The following MATN3 variants were observed in gnomAD, a reference collection of about 807,000 sequenced individuals.
The protein encoded by MATN3 is matrilin-3.
A neutral mutation model predicts 45.3 loss-of-function variants in MATN3; 48 were observed. The observed-to-expected ratio is 1.06, with a 90% confidence interval of 0.84 to 1.35. The LOEUF is 1.35. Ranked by LOEUF, MATN3 falls within the 40% of genes most tolerant of loss-of-function variation. The pLI, the probability that MATN3 is intolerant of heterozygous loss-of-function variation, is 0.00. For synonymous variants in MATN3, 217 were observed against 245.9 expected (o/e 0.88, Z 1.10); for missense variants, 599 against 628.0 (o/e 0.95, Z 0.49).
intron 1 of MATN3, among the ~76,000 whole-genome samples, chr2:20,007,666 C>A (rs1463929370): frequency 6.6e-6 from 1 of 152,208 alleles, no homozygotes; most frequent in East Asian, 1.9e-4. Context: ...CTCTCTTGGT[C>A]ATCTCTCTTT....
chr2:20,002,191 C>CACATACACACACAG lies in MATN3; in HGVS notation c.917-112_917-111insCTGTGTGTGTATGT. The CACATACACACACAG allele has an allele frequency of 4.0e-6, 3 of 756,944 alleles. No individual in the cohort carries two copies. In the East Asian group the frequency reaches 1.0e-4, roughly 26 times the overall value. 46.9% of individuals were successfully genotyped at this position (756,944 alleles called of 1,614,324 possible). A position where few individuals can be genotyped will look rare whatever the true frequency, so the allele number is the denominator to read the frequency against. On this transcript the variant is annotated intron_variant, in intron 3 of 7. Transcript: ENST00000407540. ...ACACACACACACACACACACACACA[C>CACATACACACACAG]AGAGCTAATGAAACAAGGGAGGGGC...
In MATN3 at chr2:20,012,234, T is replaced by C. The variant is rs894661000; in HGVS notation, c.223+175A>G. Among the ~76,000 whole-genome samples the C allele has an allele frequency of 2.0e-5, 3 of 152,166 alleles. No homozygotes were observed. The highest frequency in any genetic ancestry group is 2.9e-5 in the Non-Finnish European group (2 of 68,022). Reference sequence around the variant, plus strand: ...CTCTAGCCTGGACACATGAGTGATATTGGGCATCTCCCTCCCCTTCTCTGG... The same window carrying C: ...CTCTAGCCTGGACACATGAGTGATACTGGGCATCTCCCTCCCCTTCTCTGG... On this transcript the variant is annotated intron_variant, in intron 1 of 7. Transcript: ENST00000407540. This position sits in a 1 kb window ranked among gnomAD's most constrained non-coding sequence, Gnocchi z 4.3.
chr2:20,011,680 C>A (rs1558376924), intron 1 of MATN3, among the ~76,000 whole-genome samples: 1 of 152,170 alleles, frequency 6.6e-6, no homozygotes, highest in East Asian at 1.9e-4. Context: ...TGGAAAGAGA[C>A]CTTGCTTGGG....
rs1165186087 is a variant in MATN3, at chr2:20,003,233, C to G, written c.844G>C (p.Asp282His). The G allele has an allele frequency of 6.2e-7, 1 of 1,613,982 alleles. No homozygotes were observed. Reference protein sequence around the residue: ...THQCQHVCISDGEGKHHCECS... With the variant: ...THQCQHVCISHGEGKHHCECS... Reference sequence around the variant, plus strand: ...TCACAGTGGTGCTTGCCTTCCCCATCACTGATGCAGACGTGCTGGCACTGG... The same window carrying G: ...TCACAGTGGTGCTTGCCTTCCCCATGACTGATGCAGACGTGCTGGCACTGG... The change falls in exon 3 of 8, where the codon GAT becomes CAT. Residue 282 changes from aspartate (D) to histidine (H), a missense_variant. Transcript: ENST00000407540.
chr2:20,000,656 T>A, intron 4 of MATN3, 90 bp from the exon 5 acceptor site: 1 of 1,319,986 alleles, frequency 7.6e-7, no homozygotes, highest in Non-Finnish European at 1.0e-6. Flanking sequence ...GCTGGAAACA[T>A]ATGAGGAAAA....
At chr2:20,003,352 T>C (rs926518208) in intron 2 of MATN3, 66 bp from the exon 3 acceptor site, 4 of 1,477,942 alleles carry the variant, frequency 2.7e-6, no homozygotes, top group Non-Finnish European at 2.7e-6. Context: ...CCGTCTCCCA[T>C]GTCAATAGAC....
At position 20,000,481 on chromosome 2, in the gene MATN3, A is replaced by C; in HGVS notation, c.1128T>G (p.Tyr376Ter). The C allele has an allele frequency of 6.2e-7, 1 of 1,612,910 alleles. No homozygotes were observed. The highest frequency in any genetic ancestry group is 8.5e-7 in the Non-Finnish European group (1 of 1,179,358). ...TATCTGCATTCAGAGTGTAGCCCTC[A>C]TAGCATTCACAATGATGGGACCCTG... ...DRTGSHHCECYEGYTLNADKK... is the reference protein window; with the variant it reads ...DRTGSHHCEC Residue 376 changes from tyrosine (Y) to a stop codon, truncating the protein, a stop_gained, in exon 5 of 8, where the codon TAT (tyrosine) becomes TAG (stop). Coordinates refer to ENST00000407540, the MANE Select transcript of MATN3 (RefSeq NM_002381.5). LOFTEE classifies it high-confidence loss of function.
In MATN3 at chr2:19,997,199, G is replaced by T; in HGVS notation, c.1229C>A (p.Ala410Asp). The change falls in exon 6 of 8, where the codon GCC (alanine) becomes GAC (aspartate). Residue 410 changes from alanine (A) to aspartate (D), a missense_variant. Physicochemically the swap from Ala to Asp is moderately radical, Grantham distance 126 (BLOSUM62 -2). Coordinates refer to ENST00000407540, the MANE Select transcript of MATN3 (RefSeq NM_002381.5). ...GCQHICVSDG[A>D]ASYHCDCYPG... ...ATAGCAATCACAGTGGTAGGATGCGGCCCCATCACTCACACAAATGTGCTG... is the reference window on the plus strand; with the variant it reads ...ATAGCAATCACAGTGGTAGGATGCGTCCCCATCACTCACACAAATGTGCTG... The T allele has an allele frequency of 6.2e-7, 1 of 1,613,806 alleles. No homozygotes were observed. Among genetic ancestry groups the T allele is most frequent in the Non-Finnish European group, 8.5e-7 (1 of 1,179,772 alleles).
intron 6 of MATN3, among the ~76,000 whole-genome samples, chr2:19,994,974 T>G (rs1348811742): frequency 6.6e-6 from 1 of 151,618 alleles, no homozygotes; most frequent in Admixed American, 6.6e-5. Flanking sequence ...CCTGTAATCC[T>G]AGCTACTCGA....
chr2:20,005,790 A>G lies in MATN3; in HGVS notation c.744T>C (p.Tyr248=). 2.5e-6 allele frequency: 4 copies of G among 1,611,438 alleles called. No individual in the cohort carries two copies. Among genetic ancestry groups the G allele is most frequent in the Non-Finnish European group, 3.4e-6 (4 of 1,178,792 alleles). Residue 248 remains tyrosine, a synonymous_variant, in exon 2 of 8, where the codon TAT becomes TAC. Transcript: ENST00000407540. Reference sequence around the variant, plus strand: ...TAGAGGAAAGTTTCTCAATGACCCCATAGGTCTCCACGTAGAAAACATGCT... The same window carrying G: ...TAGAGGAAAGTTTCTCAATGACCCCGTAGGTCTCCACGTAGAAAACATGCT... The part of the protein sequence containing the change: ...LEEHVFYVET[Y]GVIEKLSSRF...
At chr2:19,998,719 G>A (rs182732169) in intron 5 of MATN3, among the ~76,000 whole-genome samples, 35 of 151,704 alleles carry the variant, frequency 2.3e-4, no homozygotes, top group Admixed American at 1.5e-3. Flanking sequence ...TCACACCACC[G>A]CACTCCAGCC....
intron 3 of MATN3, 146 bp downstream of exon 3, chr2:20,003,015 G>T: frequency 1.2e-6 from 1 of 811,650 alleles, no homozygotes; most frequent in Admixed American, 2.8e-5. Flanking sequence ...CCTTTTCAGG[G>T]AAAACTGCTG....
chr2:20,007,648 C>T (rs1195902836), intron 1 of MATN3, among the ~76,000 whole-genome samples: 1 of 152,240 alleles, frequency 6.6e-6, no homozygotes, highest in Non-Finnish European at 1.5e-5. Context: ...CCCTACTGCC[C>T]CAACTAACTC....
In MATN3 at chr2:20,005,593, C is replaced by T. The variant is rs191039473; in HGVS notation, c.790+151G>A. ...TGTTTAGGTTGGTCGCACACACGCGCGCATGCACACGTGCACACACACACA... is the reference window on the plus strand; with the variant it reads ...TGTTTAGGTTGGTCGCACACACGCGTGCATGCACACGTGCACACACACACA... On this transcript the variant is annotated intron_variant, in intron 2 of 7. Transcript: ENST00000407540. 266 of 664,410 alleles carry T rather than the reference C, an allele frequency of 4.0e-4. 1 individual carries two copies. The highest frequency in any genetic ancestry group is 3.0e-3 in the African/African-American group (167 of 54,920). The allele number at this position is 664,410 out of a possible 1,614,324, so 41.2% of individuals were successfully genotyped here.
chr2:20,007,385 G>A (rs778794225), intron 1 of MATN3, among the ~76,000 whole-genome samples: 4 of 151,096 alleles, frequency 2.6e-5, no homozygotes, highest in Non-Finnish European at 5.9e-5. Context: ...AAAAATTAGC[G>A]GGTCGTAGTG....
Position 20,001,900 on chromosome 2 carries a change from C to T in MATN3, c.1042+55G>A, listed in dbSNP as rs574751997. 1.0e-5 allele frequency: 16 copies of T among 1,561,942 alleles called. No homozygotes were observed. The Admixed American group carries it at 1.1e-4, about 10-fold the overall frequency. On this transcript the variant is annotated intron_variant, in intron 4 of 7. Transcript: ENST00000407540. ...TCAATGTGACCTGCCCTTCCATCACCGGGTAGGTAGGCAGAGAGCTAAGTA... is the reference window on the plus strand; with the variant it reads ...TCAATGTGACCTGCCCTTCCATCACTGGGTAGGTAGGCAGAGAGCTAAGTA...
chr2:20,004,794 A>T (rs1326525500), intron 2 of MATN3, among the ~76,000 whole-genome samples: 1 of 152,214 alleles, frequency 6.6e-6, no homozygotes, highest in East Asian at 1.9e-4. Flanking sequence ...CTGAATAAAT[A>T]AGTGTGAAAT....
chr2:20,001,906 G>C (rs752270307), intron 4 of MATN3, 49 bp downstream of exon 4: 13 of 1,582,458 alleles, frequency 8.2e-6, no homozygotes, highest in Non-Finnish European at 1.0e-5. Context: ...TCACCGGGTA[G>C]GTAGGCAGAG....
intron 1 of MATN3, among the ~76,000 whole-genome samples, chr2:20,008,309 A>T (rs1255114072): frequency 6.6e-6 from 1 of 152,114 alleles, no homozygotes; most frequent in African/African-American, 2.4e-5. Flanking sequence ...CAACACACGC[A>T]TGCAGCCCTA....
Sources: gnomAD v4.1 joint callset for allele counts (sites outside exome capture counted in the v4.1 genomes callset) on GRCh38, gnomAD v4.1.1 for gene constraint, Gnocchi (gnomAD v3.1) non-coding constraint, MANE v1.5 for transcripts, NCBI Gene and HGNC (gene_info 2026-07-23, HGNC 2026-07-21) for gene names.